The following LHFPL6 variants were observed in gnomAD, a reference collection of about 807,000 sequenced individuals.
LHFPL6 encodes LHFPL tetraspan subfamily member 6 protein.
A neutral mutation model predicts 20.6 loss-of-function variants in LHFPL6; 9 were observed. That is an observed-to-expected ratio of 0.44 (90% CI 0.26 to 0.76). The LOEUF (loss-of-function observed/expected upper bound fraction) is 0.76. LHFPL6 is among the 30% of genes least tolerant of loss of function. LHFPL6 has a pLI of 0.20. For synonymous variants in LHFPL6, 105 were observed against 98.7 expected (o/e 1.06, Z -0.38); for missense variants, 218 against 253.5 (o/e 0.86, Z 0.95).
At chr13:39,365,620 C>T (rs887135894) in intron 3 of LHFPL6, among the ~76,000 whole-genome samples, 11 of 152,180 alleles carry the variant, frequency 7.2e-5, no homozygotes, top group Non-Finnish European at 1.0e-4. Flanking sequence ...CGGAACAAAT[C>T]CTCCTACACA....
chr13:39,353,611 C>T (rs1234747310), intron 3 of LHFPL6, among the ~76,000 whole-genome samples: 2 of 151,842 alleles, frequency 1.3e-5, no homozygotes. Context: ...GCCTGTAGTC[C>T]CAGCTACTAG....
At chr13:39,563,448 T>C (rs529612610) in intron 2 of LHFPL6, among the ~76,000 whole-genome samples, 3 of 152,292 alleles carry the variant, frequency 2.0e-5, no homozygotes, top group South Asian at 4.1e-4. Flanking sequence ...CTAGAATACA[T>C]GAGTCTGGTG....
At chr13:39,582,461 C>T (rs540933514) in intron 2 of LHFPL6, among the ~76,000 whole-genome samples, 1 of 152,238 alleles carries the variant, frequency 6.6e-6, no homozygotes, top group African/African-American at 2.4e-5. Context: ...AAAGCAGGAT[C>T]AGGGGAGAGG....
chr13:39,427,530 A>G (rs1275259022), intron 2 of LHFPL6, among the ~76,000 whole-genome samples: 1 of 152,202 alleles, frequency 6.6e-6, no homozygotes, highest in Non-Finnish European at 1.5e-5. Context: ...TATTGAAATG[A>G]CCAGATGATT....
chr13:39,462,339 G>T (rs746563828), intron 2 of LHFPL6, among the ~76,000 whole-genome samples: 8 of 152,108 alleles, frequency 5.3e-5, no homozygotes, highest in Admixed American at 1.3e-4. Context: ...ATGCTGCCTT[G>T]ATAGACTACA....
In LHFPL6 at chr13:39,501,364, T is replaced by A. The variant is rs548518664; in HGVS notation, c.385+99468A>T. Among the ~76,000 whole-genome samples, 5 of 152,302 alleles carry A rather than the reference T, an allele frequency of 3.3e-5. No individual in the cohort carries two copies. The East Asian group carries it at 7.7e-4, about 24-fold the overall frequency. On this transcript the variant is annotated intron_variant, in intron 2 of 3. Coordinates refer to ENST00000379589, the MANE Select transcript of LHFPL6 (RefSeq NM_005780.3). ...TTACTTTGCGCTACAGTGTTTGAAATTATCTTTCTCTAAACAGCCCAGAAT... is the reference window on the plus strand; with the variant it reads ...TTACTTTGCGCTACAGTGTTTGAAAATATCTTTCTCTAAACAGCCCAGAAT...
intron 2 of LHFPL6, among the ~76,000 whole-genome samples, chr13:39,379,488 A>G (rs1184839889): frequency 6.6e-6 from 1 of 152,162 alleles, no homozygotes; most frequent in Non-Finnish European, 1.5e-5. Context: ...CCTAAATAGG[A>G]AAATCCATTA....
At chr13:39,569,444 T>C (rs913085189) in intron 2 of LHFPL6, among the ~76,000 whole-genome samples, 1 of 152,174 alleles carries the variant, frequency 6.6e-6, no homozygotes, top group African/African-American at 2.4e-5. Flanking sequence ...ATGTTAGTTT[T>C]TGGAAATACA....
rs1422124818 is a variant in LHFPL6, at chr13:39,418,722, GTC to G, written c.386-40198_386-40197del. 2.6e-5 allele frequency among the ~76,000 whole-genome samples: 4 copies of G among 152,274 alleles called. No individual in the cohort carries two copies. The East Asian group carries it at 7.7e-4, about 29-fold the overall frequency. On this transcript the variant is annotated intron_variant, in intron 2 of 3. Transcript: ENST00000379589. ...TTTATAAAATACAATATCTGATTCA[GTC>G]ACAGAAACCTCACAATATTGTCTTA...
intron 3 of LHFPL6, among the ~76,000 whole-genome samples, chr13:39,375,745 A>G (rs1273302200): frequency 6.9e-6 from 1 of 144,418 alleles, no homozygotes; most frequent in East Asian, 1.9e-4. Context: ...TCTATGCCAC[A>G]CTTTCTCTTT....
chr13:39,363,832 A>T (rs1363100697), intron 3 of LHFPL6, among the ~76,000 whole-genome samples: 2 of 152,194 alleles, frequency 1.3e-5, no homozygotes, highest in African/African-American at 4.8e-5. Context: ...ACAAAAAGCT[A>T]TAAAGTTATG....
At position 39,352,904 on chromosome 13, in the gene LHFPL6, T is replaced by C. The variant is rs1381040832; in HGVS notation, c.485-8850A>G. ...AAATGTATATATATGTGTATATATA[T>C]ATAAATGTATATATATATAAATGTA... On this transcript the variant is annotated intron_variant, in intron 3 of 3. Transcript: ENST00000379589. Among the ~76,000 whole-genome samples, 82 of 34,406 alleles carry C rather than the reference T, an allele frequency of 2.4e-3. 1 individual carries two copies. Among genetic ancestry groups the C allele is most frequent in the African/African-American group, 4.7e-3 (51 of 10,820 alleles). The allele number at this position is 34,406 out of a possible 152,430, so 22.6% of individuals were successfully genotyped here. A position where few individuals can be genotyped will look rare whatever the true frequency, so the allele number is the denominator to read the frequency against.
chr13:39,496,448 C>T (rs998679883), intron 2 of LHFPL6, among the ~76,000 whole-genome samples: 33 of 152,176 alleles, frequency 2.2e-4, no homozygotes, highest in African/African-American at 7.7e-4. Context: ...CAGACGACAG[C>T]ACCTTGAGAC....
intron 2 of LHFPL6, among the ~76,000 whole-genome samples, chr13:39,508,323 C>A (rs1202708515): frequency 6.6e-6 from 1 of 152,120 alleles, no homozygotes; most frequent in Non-Finnish European, 1.5e-5. Flanking sequence ...CTGCCCCAGG[C>A]CATAATTTAC....
intron 2 of LHFPL6, among the ~76,000 whole-genome samples, chr13:39,408,027 T>C (rs936424017): frequency 6.6e-6 from 1 of 152,208 alleles, no homozygotes; most frequent in Non-Finnish European, 1.5e-5. Context: ...CAGAGACTAC[T>C]TACTCATCTT....
At chr13:39,524,835 T>G (rs1184266084) in intron 2 of LHFPL6, among the ~76,000 whole-genome samples, 1 of 152,150 alleles carries the variant, frequency 6.6e-6, no homozygotes, top group Non-Finnish European at 1.5e-5. Context: ...CTAAATGTTA[T>G]GAGGAAATAG....
intron 2 of LHFPL6, among the ~76,000 whole-genome samples, chr13:39,390,195 A>T (rs1270571447): frequency 6.6e-6 from 1 of 152,158 alleles, no homozygotes; most frequent in Non-Finnish European, 1.5e-5. Context: ...GTTGAACTGG[A>T]TAGTGAAAGA....
At chr13:39,493,466 A>G (rs960459903) in intron 2 of LHFPL6, among the ~76,000 whole-genome samples, 1 of 152,222 alleles carries the variant, frequency 6.6e-6, no homozygotes, top group Admixed American at 6.5e-5. Flanking sequence ...TTTATAACAC[A>G]TGTAAAAGTT....
rs1327412646 is a variant in LHFPL6 at position 39,424,778 on chromosome 13, G to A, written c.386-46252C>T. On this transcript the variant is annotated intron_variant, in intron 2 of 3. Transcript: ENST00000379589. ...GTAATATATTAATGTGAAAATTAGA[G>A]AGAGGGCACTGCACATTTCTAGACT... Among the ~76,000 whole-genome samples, 11 of 152,132 alleles carry A rather than the reference G, an allele frequency of 7.2e-5. 1 individual carries two copies. The highest frequency in any genetic ancestry group is 7.2e-4 in the Admixed American group (11 of 15,282).
Sources: gnomAD v4.1 joint callset for allele counts (sites outside exome capture counted in the v4.1 genomes callset) on GRCh38, gnomAD v4.1.1 for gene constraint, MANE v1.5 for transcripts, NCBI Gene and HGNC (gene_info 2026-07-23, HGNC 2026-07-21) for gene names.